Variants in TRRAP observed in about 807,000 individuals in gnomAD.
The protein encoded by TRRAP is transformation/transcription domain-associated protein.
TRRAP carries 41 observed loss-of-function variants against 438.8 expected under a neutral mutation model. The ratio of observed to expected loss-of-function variants is 0.09; its 90% confidence interval spans 0.07 to 0.12. TRRAP has a LOEUF of 0.12. Ranked by LOEUF, TRRAP falls within the 10% of genes least tolerant of loss-of-function variation. The pLI is 1.00. For missense variants in TRRAP, 3,122 were observed against 5,055.1 expected (o/e 0.62, Z 11.60); for synonymous variants, 1,994 against 1,962.9 (o/e 1.02, Z -0.42).
chr7:99,009,696 A>G (rs955668605), intron 70 of TRRAP, among the ~76,000 whole-genome samples: 1 of 152,190 alleles, frequency 6.6e-6, no homozygotes, highest in Non-Finnish European at 1.5e-5. Context: ...TGACAAATAC[A>G]TGCTGACCTC....
chr7:98,935,494 GA>G, intron 27 of TRRAP, 84 bp from the exon 28 acceptor site: 1 of 1,175,912 alleles, frequency 8.5e-7, no homozygotes. Context: ...GCAGTGTGTG[GA>G]AGATTGCTGT....
At chr7:98,970,360 C>A in intron 52 of TRRAP, 69 bp downstream of exon 52, 1 of 1,554,238 alleles carries the variant, frequency 6.4e-7, no homozygotes, top group Non-Finnish European at 8.7e-7. Flanking sequence ...CGGGCAGAAT[C>A]CCAGAGAGGA....
intron 47 of TRRAP, 69 bp downstream of exon 47, chr7:98,962,496 C>T: frequency 6.2e-7 from 1 of 1,606,544 alleles, no homozygotes. Context: ...ACTGGACGTG[C>T]TTCCCTTTGG....
chr7:98,928,418 C>G (rs1386669581), intron 23 of TRRAP, among the ~76,000 whole-genome samples: 4 of 152,202 alleles, frequency 2.6e-5, no homozygotes, highest in Non-Finnish European at 5.9e-5. Flanking sequence ...GATCAACCAG[C>G]AGAGCACATA....
Position 99,005,616 on chromosome 7 carries a change from C to T in TRRAP, c.10753+268C>T, listed in dbSNP as rs1794126668. 6.6e-6 allele frequency among the ~76,000 whole-genome samples: 1 copy of T among 152,114 alleles called. No individual in the cohort carries two copies. The highest frequency in any genetic ancestry group is 2.4e-5 in the African/African-American group (1 of 41,422). ...CAACCTGCGGGCTCCATGGGGCCCA[C>T]GATGCCTTTGAATGTGGTTCGACAC... On this transcript the variant is annotated intron_variant, in intron 69 of 72. Transcript: ENST00000456197. This position sits in a 1 kb window ranked among gnomAD's most constrained non-coding sequence, Gnocchi z 5.1.
At position 98,912,101 on chromosome 7, in the gene TRRAP, G is replaced by A. The variant is rs200324989; in HGVS notation, c.2087G>A (p.Arg696His). ...ATTCTGGTGGAATATCTCCTTGATC[G>A]CCTGCCAGAAATGGGCTCCAACGTG... ...ATILVEYLLD[R>H]LPEMGSNVEL... The change falls in exon 18 of 73, where the codon CGC (arginine) becomes CAC (histidine). Residue 696 changes from arginine to histidine, a missense_variant. Transcript: ENST00000456197. 391 of 1,613,974 alleles carry A rather than the reference G, an allele frequency of 2.4e-4. 1 individual carries two copies. The highest frequency in any genetic ancestry group is 2.9e-4 in the Non-Finnish European group (339 of 1,180,024).
chr7:98,942,522 A>G (rs1325484215), intron 30 of TRRAP, among the ~76,000 whole-genome samples: 1 of 152,220 alleles, frequency 6.6e-6, no homozygotes, highest in Admixed American at 6.5e-5. Flanking sequence ...TACACACAGC[A>G]GGCACCTTTA....
chr7:98,956,030 G>A lies in TRRAP; in HGVS notation c.5938-116G>A, dbSNP rs1554419621. ...TCTTGAGCATCAAGTTGGGCTGTGTGTGTATGTTGGGGCTGAGAGGCATGT... is the reference window on the plus strand; with the variant it reads ...TCTTGAGCATCAAGTTGGGCTGTGTATGTATGTTGGGGCTGAGAGGCATGT... On this transcript the variant is annotated intron_variant, in intron 41 of 72. Transcript: ENST00000456197. The surrounding 1 kb of genome is among the most constrained non-coding windows in gnomAD (Gnocchi z 4.5). 7 of 1,276,082 alleles carry A rather than the reference G, an allele frequency of 5.5e-6. No individual in the cohort carries two copies. In the East Asian group the frequency reaches 1.7e-4, roughly 31 times the overall value. The allele number at this position is 1,276,082 out of a possible 1,614,324, so 79.0% of individuals were successfully genotyped here.
At chr7:98,905,869 G>A (rs1208342193) in intron 12 of TRRAP, among the ~76,000 whole-genome samples, 1 of 152,152 alleles carries the variant, frequency 6.6e-6, no homozygotes, top group African/African-American at 2.4e-5. Context: ...GGTGGGATGT[G>A]CCCACAGTTA....
At chr7:98,894,566 A>G (rs1562929167) in intron 6 of TRRAP, among the ~76,000 whole-genome samples, 1 of 151,848 alleles carries the variant, frequency 6.6e-6, no homozygotes, top group East Asian at 1.9e-4. Context: ...ACCATCTCAA[A>G]AACAGGATTT....
Position 98,948,100 on chromosome 7 carries a change from C to G in TRRAP, c.4549-121C>G. The stretch of plus-strand genomic sequence containing the variant: ...AAGTTGTGGCTTTTACATGTGAACC[C>G]TTCGCTTCACTGCCTAGCCTTGCCA... On this transcript the variant is annotated intron_variant, in intron 33 of 72. Coordinates refer to ENST00000456197, the MANE Select transcript of TRRAP (RefSeq NM_001375524.1). The surrounding 1 kb of genome is among the most constrained non-coding windows in gnomAD (Gnocchi z 4.9). 7.0e-7 allele frequency: 1 copy of G among 1,419,376 alleles called. No homozygotes were observed. The highest frequency in any genetic ancestry group is 9.7e-7 in the Non-Finnish European group (1 of 1,035,322). 87.9% of individuals were successfully genotyped at this position (1,419,376 alleles called of 1,614,324 possible). A position where few individuals can be genotyped will look rare whatever the true frequency, so the allele number is the denominator to read the frequency against.
chr7:98,930,715 G>C lies in TRRAP; in HGVS notation c.3476G>C (p.Gly1159Ala), dbSNP rs1554412659. 1 of 1,614,224 alleles carries C rather than the reference G, an allele frequency of 6.2e-7. No individual in the cohort carries two copies. Among genetic ancestry groups the C allele is most frequent in the East Asian group, 2.2e-5 (1 of 44,880 alleles). The stretch of plus-strand genomic sequence containing the variant: ...GAACAGGCGTGGTATGCAAAGCTGG[G>C]GGGTGTGGTGTCTATTAAGTTTCTC... Reference protein sequence around the residue: ...CYEQAWYAKLGGVVSIKFLME... With the variant: ...CYEQAWYAKLAGVVSIKFLME... Residue 1159 changes from glycine (G) to alanine (A), a missense_variant, in exon 25 of 73, where the codon GGG (glycine) becomes GCG (alanine). Physicochemically the swap from Gly to Ala is moderately conservative, Grantham distance 60. Coordinates refer to ENST00000456197, the MANE Select transcript of TRRAP (RefSeq NM_001375524.1).
chr7:98,882,616 G>C (rs1795503363), intron 3 of TRRAP, among the ~76,000 whole-genome samples: 1 of 151,834 alleles, frequency 6.6e-6, no homozygotes, highest in Non-Finnish European at 1.5e-5. Context: ...ACCTGCCTCA[G>C]CCTCTCAAGG....
intron 43 of TRRAP, 103 bp from the exon 44 acceptor site, chr7:98,957,877 TC>T: frequency 1.1e-6 from 1 of 949,612 alleles, no homozygotes; most frequent in Non-Finnish European, 1.6e-6. Context: ...GCTGCCTCTG[TC>T]CCCGGGAGGT....
Position 98,922,460 on chromosome 7 carries a change from T to C in TRRAP, c.2823+507T>C, listed in dbSNP as rs76423162. Among the ~76,000 whole-genome samples the C allele has an allele frequency of 5.7e-3, 874 of 152,314 alleles. 8 individuals are homozygous for C. The highest frequency in any genetic ancestry group is 0.02 in the African/African-American group (816 of 41,570). ...CCGCACCCTGCTGGAGTGTCCTGCC[T>C]GCTGCCTTTGCCCTGTCTGTGTTGA... On this transcript the variant is annotated intron_variant, in intron 21 of 72. Coordinates refer to ENST00000456197, the MANE Select transcript of TRRAP (RefSeq NM_001375524.1).
intron 18 of TRRAP, among the ~76,000 whole-genome samples, chr7:98,915,366 A>G (rs1414520677): frequency 3.3e-5 from 5 of 151,690 alleles, no homozygotes; most frequent in Non-Finnish European, 7.4e-5. Flanking sequence ...CTAATTTTGT[A>G]TTTTTAGTAG....
intron 28 of TRRAP, 55 bp downstream of exon 28, chr7:98,935,730 G>A: frequency 7.1e-7 from 1 of 1,408,452 alleles, no homozygotes. Flanking sequence ...GACCACAGGA[G>A]GTCTATAGAA....
Position 98,976,483 on chromosome 7 carries a change from G to T in TRRAP, c.7960G>T (p.Ala2654Ser). 6.2e-7 allele frequency: 1 copy of T among 1,606,042 alleles called. No individual in the cohort carries two copies. The highest frequency in any genetic ancestry group is 1.1e-5 in the South Asian group (1 of 91,040). Residue 2654 changes from alanine (A) to serine (S), a missense_variant and splice_region_variant, in exon 55 of 73, where the codon GCA becomes TCA. Ala to Ser is a moderately conservative substitution (Grantham distance 99). Transcript: ENST00000456197. This position sits in a 1 kb window ranked among gnomAD's most constrained non-coding sequence, Gnocchi z 4.6. ...WKILSDRQQHALAGEISPFLC... is the reference protein window; with the variant it reads ...WKILSDRQQHSLAGEISPFLC... Reference sequence around the variant, plus strand: ...TAAATGACATGTGCTTTGGTTTCAGGCACTCGCGGGTGAGATAAGTCCATT... The same window carrying T: ...TAAATGACATGTGCTTTGGTTTCAGTCACTCGCGGGTGAGATAAGTCCATT...
chr7:98,901,939 A>G (rs1796488458), intron 11 of TRRAP, among the ~76,000 whole-genome samples: 1 of 152,252 alleles, frequency 6.6e-6, no homozygotes, highest in South Asian at 2.1e-4. Flanking sequence ...GATTTGTACC[A>G]TTACCACCAT....
Sources: allele counts gnomAD v4.1 joint callset (sites outside exome capture counted in the v4.1 genomes callset), GRCh38; gene constraint gnomAD v4.1.1; non-coding constraint Gnocchi (gnomAD v3.1); transcripts MANE v1.5; gene names NCBI Gene and HGNC (gene_info 2026-07-23, HGNC 2026-07-21).